Variants in BST1 observed in about 807,000 individuals in gnomAD.
BST1 encodes ADP-ribosyl cyclase/cyclic ADP-ribose hydrolase 2.
BST1 carries 49 observed loss-of-function variants against 40.6 expected under a neutral mutation model. That is an observed-to-expected ratio of 1.21 (90% CI 0.96 to 1.53). BST1 has a LOEUF of 1.53. Ranked by LOEUF, BST1 falls within the 40% of genes most tolerant of loss-of-function variation. BST1 has a pLI of 0.00. For synonymous variants in BST1, 157 were observed against 159.3 expected, an observed-to-expected ratio of 0.99 and a Z score of 0.11; for missense variants, 423 against 395.9, an observed-to-expected ratio of 1.07 and a Z score of -0.58.
At chr4:15,703,408 C>G in intron 1 of BST1, 76 bp downstream of exon 1, 2 of 1,443,514 alleles carry the variant, frequency 1.4e-6, no homozygotes, top group Admixed American at 3.0e-5. Flanking sequence ...GGAAAACTGG[C>G]GCTAAAGTTC....
intron 2 of BST1, among the ~76,000 whole-genome samples, chr4:15,705,916 A>G (rs1462615183): frequency 6.6e-6 from 1 of 152,244 alleles, no homozygotes; most frequent in East Asian, 1.9e-4. Context: ...CTGTACAGGA[A>G]GAATGGCAAC....
At chr4:15,745,640 C>T in the BST1 span, among the ~76,000 whole-genome samples, 37 of 152,190 alleles carry the variant, frequency 2.4e-4, no homozygotes, top group Admixed American at 1.7e-3. Flanking sequence ...AACCATATTC[C>T]TAAATGTGGC....
downstream of BST1, among the ~76,000 whole-genome samples, chr4:15,734,498 CT>C (rs1208955898): frequency 7.2e-5 from 11 of 151,916 alleles, no homozygotes. Flanking sequence ...GGAAATCATT[CT>C]CAAAATTGTC....
At chr4:15,768,049 T>C in the BST1 span, among the ~76,000 whole-genome samples, 1 of 152,176 alleles carries the variant, frequency 6.6e-6, no homozygotes, top group Non-Finnish European at 1.5e-5. Flanking sequence ...TTAAATCCTC[T>C]TCTTCCTTTC....
At chr4:15,758,520 G>A in the BST1 span, among the ~76,000 whole-genome samples, 1 of 151,910 alleles carries the variant, frequency 6.6e-6, no homozygotes, top group East Asian at 1.9e-4. Flanking sequence ...CCATAAAAAA[G>A]AATGAAATCA....
intron 3 of BST1, among the ~76,000 whole-genome samples, chr4:15,710,533 T>C (rs1720135854): frequency 6.6e-6 from 1 of 152,140 alleles, no homozygotes. Context: ...CCAGTACTTA[T>C]TCCTCCTATG....
chr4:15,722,038 G>C (rs9291637), intron 7 of BST1, among the ~76,000 whole-genome samples: 51,383 of 151,844 alleles, frequency 0.34, 9,978 homozygotes, highest in African/African-American at 0.54. Flanking sequence ...CCTCCTGGTG[G>C]CTTGGAACTT....
At chr4:15,747,302 G>A in the BST1 span, among the ~76,000 whole-genome samples, 113 of 152,192 alleles carry the variant, frequency 7.4e-4, no homozygotes, top group Non-Finnish European at 1.0e-3. Context: ...TCTCAGATTC[G>A]TGCCTGTCAG....
At chr4:15,729,538 T>C (rs904795069) in intron 8 of BST1, among the ~76,000 whole-genome samples, 5 of 152,086 alleles carry the variant, frequency 3.3e-5, no homozygotes, top group Non-Finnish European at 7.4e-5. Flanking sequence ...GTGTGACAAA[T>C]CCTTAAGAGT....
At chr4:15,712,159 A>T (rs1720253019) in intron 4 of BST1, among the ~76,000 whole-genome samples, 1 of 152,218 alleles carries the variant, frequency 6.6e-6, no homozygotes, top group African/African-American at 2.4e-5. Flanking sequence ...TATTTCCATT[A>T]TGTCCTGGTT....
At position 15,703,382 on chromosome 4, in the gene BST1, G is replaced by C; in HGVS notation, c.188+50G>C. On this transcript the variant is annotated intron_variant, in intron 1 of 8. Transcript: ENST00000265016. ...GGGAGCCGGAAAGAGGCAACGGTGG[G>C]GAGGGCCTGGGGAGGGGAAAACTGG... The C allele has an allele frequency of 2.0e-6, 3 of 1,486,664 alleles. No homozygotes were observed. In the Middle Eastern group the frequency reaches 7.2e-4, roughly 355 times the overall value. 92.1% of individuals were successfully genotyped at this position (1,486,664 alleles called of 1,614,324 possible). A position where few individuals can be genotyped will look rare whatever the true frequency, so the allele number is the denominator to read the frequency against.
In BST1 at chr4:15,716,120, C is replaced by T. The variant is rs185521769; in HGVS notation, c.704+321C>T. Reference sequence around the variant, plus strand: ...GTCTAAGCCAGTTTCTCCTTCTGGTCATTTGAAATTCAAAAGCCCTCACCA... The same window carrying T: ...GTCTAAGCCAGTTTCTCCTTCTGGTTATTTGAAATTCAAAAGCCCTCACCA... On this transcript the variant is annotated intron_variant, in intron 6 of 8. Coordinates refer to ENST00000265016, the MANE Select transcript of BST1 (RefSeq NM_004334.3). Among the ~76,000 whole-genome samples, 3 of 152,262 alleles carry T rather than the reference C, an allele frequency of 2.0e-5. No individual in the cohort carries two copies. In the East Asian group the frequency reaches 5.8e-4, roughly 29 times the overall value.
the BST1 span, among the ~76,000 whole-genome samples, chr4:15,755,468 C>T: frequency 2.0e-5 from 3 of 152,146 alleles, no homozygotes; most frequent in Non-Finnish European, 2.9e-5. Flanking sequence ...GCTGCAATGA[C>T]TAATCTGGTA....
the BST1 span, among the ~76,000 whole-genome samples, chr4:15,744,757 T>A: frequency 1.2e-4 from 18 of 152,328 alleles, no homozygotes; most frequent in South Asian, 1.5e-3. Flanking sequence ...TTCATGAATT[T>A]TGTTGCAAGC....
chr4:15,722,169 A>T (rs10018756), intron 7 of BST1, among the ~76,000 whole-genome samples: 40,182 of 152,156 alleles, frequency 0.26, 5,499 homozygotes, highest in East Asian at 0.33. Flanking sequence ...AGGTCATACG[A>T]GTTGTACGTG....
the BST1 span, among the ~76,000 whole-genome samples, chr4:15,747,809 A>G: frequency 2.0e-5 from 3 of 152,184 alleles, no homozygotes; most frequent in African/African-American, 7.2e-5. Flanking sequence ...AGCTAGGACT[A>G]CAGGCACAAG....
At chr4:15,753,664 A>C in the BST1 span, among the ~76,000 whole-genome samples, 2,485 of 152,356 alleles carry the variant, frequency 0.016, 79 homozygotes, top group African/African-American at 0.057. Flanking sequence ...GGTGCCCACC[A>C]AAGGCAATGA....
At chr4:15,736,734 A>G (rs560496414), downstream of BST1, among the ~76,000 whole-genome samples, 23 of 152,236 alleles carry the variant, frequency 1.5e-4, no homozygotes, top group African/African-American at 5.3e-4. Flanking sequence ...CGTATTCTCA[A>G]CATAAGCCTT....
the BST1 span, among the ~76,000 whole-genome samples, chr4:15,748,786 G>C: frequency 1.3e-5 from 2 of 152,162 alleles, no homozygotes; most frequent in African/African-American, 4.8e-5. Flanking sequence ...GCACATGATG[G>C]TAGTGGAAAG....
Sources: gnomAD v4.1 joint callset for allele counts (sites outside exome capture counted in the v4.1 genomes callset) on GRCh38, gnomAD v4.1.1 for gene constraint, MANE v1.5 for transcripts, NCBI Gene and HGNC (gene_info 2026-07-23, HGNC 2026-07-21) for gene names.